Variants in GAB1 observed in about 807,000 individuals in gnomAD.
The protein encoded by GAB1 is GRB2-associated-binding protein 1.
Under a neutral mutation model 66.5 loss-of-function variants are expected in GAB1, and 19 were observed. The observed-to-expected ratio is 0.29, with a 90% confidence interval of 0.20 to 0.42. GAB1 has a LOEUF of 0.42. Ranked by LOEUF, GAB1 falls within the 10% of genes least tolerant of loss-of-function variation. The probability of loss-of-function intolerance (pLI) is 1.00; values close to 1 mark genes in which losing one functional copy is unlikely to be tolerated. For missense variants in GAB1, 732 were observed against 858.5 expected, an observed-to-expected ratio of 0.85 and a Z score of 1.84; for synonymous variants, 294 against 301.4, an observed-to-expected ratio of 0.98 and a Z score of 0.25.
intron 1 of GAB1, among the ~76,000 whole-genome samples, chr4:143,345,288 T>G (rs995050752): frequency 2.6e-5 from 4 of 152,194 alleles, no homozygotes; most frequent in African/African-American, 9.6e-5. Context: ...TGATGGTGGT[T>G]TTCTTTTCTC....
At chr4:143,435,056 A>G (rs1578710616) in intron 3 of GAB1, among the ~76,000 whole-genome samples, 1 of 152,222 alleles carries the variant, frequency 6.6e-6, no homozygotes, top group East Asian at 1.9e-4. Flanking sequence ...TTTTTTAAAC[A>G]AGATTATAAT....
In GAB1 at chr4:143,440,179, G is replaced by A. The variant is rs1318642209; in HGVS notation, c.1382G>A (p.Ser461Asn). Residue 461 changes from serine (S) to asparagine (N), a missense_variant, in exon 6 of 10, where the codon AGC becomes AAC. This residue lies in a region of GAB1 where 427 missense variants were observed against 420.6 expected (regional missense o/e 1.02). Coordinates refer to ENST00000262994, the MANE Select transcript of GAB1 (RefSeq NM_002039.4). The part of the protein sequence containing the change: ...NPNSPPRQHS[S>N]SFTEPIQEAN... ...AATTCACCACCACGACAACATTCCA[G>A]CAGTTTTACAGAACCAATTCAGGAA... 6.2e-7 allele frequency: 1 copy of A among 1,614,138 alleles called. No homozygotes were observed. Among genetic ancestry groups the A allele is most frequent in the South Asian group, 1.1e-5 (1 of 91,082 alleles).
At chr4:143,435,180 G>A (rs910901633) in intron 3 of GAB1, among the ~76,000 whole-genome samples, 3 of 152,172 alleles carry the variant, frequency 2.0e-5, no homozygotes, top group South Asian at 2.1e-4. Context: ...TAAGATTCAC[G>A]AAATAGTTTC....
rs1465863079 is a variant in GAB1 at position 143,438,596 on chromosome 4, A to G, written c.1191A>G (p.Arg397=). ...TISTVDLNKL[R]KDASSQDCYD... ...CCACTGTGGATTTAAACAAATTGCG[A>G]AAAGGTCAGCTCTAGTTGACTTCTT... Residue 397 remains arginine (R), a synonymous_variant, in exon 4 of 10, where the codon CGA becomes CGG. Transcript: ENST00000262994. 6.2e-7 allele frequency: 1 copy of G among 1,612,446 alleles called. No individual in the cohort carries two copies. The highest frequency in any genetic ancestry group is 8.5e-7 in the Non-Finnish European group (1 of 1,179,014).
chr4:143,366,823 A>C (rs1729901022), intron 1 of GAB1, among the ~76,000 whole-genome samples: 1 of 151,962 alleles, frequency 6.6e-6, no homozygotes, highest in Non-Finnish European at 1.5e-5. Context: ...TTTTCAATTC[A>C]ATTTTTGAAT....
intron 6 of GAB1, 41 bp from the exon 7 acceptor site, chr4:143,459,344 T>C (rs1409494411): frequency 7.7e-6 from 9 of 1,172,394 alleles, no homozygotes; most frequent in African/African-American, 4.6e-5. Context: ...TTTTCCAAAG[T>C]TCTGTATACT....
chr4:143,355,948 AT>A (rs1315727449), intron 1 of GAB1, among the ~76,000 whole-genome samples: 7 of 151,776 alleles, frequency 4.6e-5, no homozygotes, highest in African/African-American at 9.7e-5. Flanking sequence ...AGGTGTTGAG[AT>A]TTTTTTTGGG....
intron 1 of GAB1, among the ~76,000 whole-genome samples, chr4:143,371,203 A>G (rs1195457591): frequency 6.6e-6 from 1 of 151,954 alleles, no homozygotes; most frequent in East Asian, 1.9e-4. Flanking sequence ...CATCCTCTCC[A>G]GCACCTGTTG....
chr4:143,340,583 T>C (rs1430301174), intron 1 of GAB1, among the ~76,000 whole-genome samples: 3 of 152,218 alleles, frequency 2.0e-5, no homozygotes, highest in African/African-American at 7.2e-5. Flanking sequence ...CTATCTCGGC[T>C]CACTGCAACC....
chr4:143,423,792 G>GTATATATATATA lies in GAB1; in HGVS notation c.367+8055_367+8066dup, dbSNP rs35559967. Among the ~76,000 whole-genome samples the GTATATATATATA allele has an allele frequency of 2.7e-3, 182 of 67,698 alleles. 2 individuals carry two copies. The highest frequency in any genetic ancestry group is 3.7e-3 in the Non-Finnish European group (129 of 34,798). 44.4% of individuals were successfully genotyped at this position (67,698 alleles called of 152,430 possible). ...CTCCATCTCAAAAAAAAAAAAAAGT[G>GTATATATATATA]TATATATATATATATATATATATAT... On this transcript the variant is annotated intron_variant, in intron 2 of 9. Transcript: ENST00000262994.
chr4:143,468,997 A>G (rs764405092), intron 9 of GAB1, 34 bp from the exon 10 acceptor site: 1 of 1,610,070 alleles, frequency 6.2e-7, no homozygotes, highest in Non-Finnish European at 8.5e-7. Flanking sequence ...ACTCCTTTAT[A>G]TGTTGGACTT....
chr4:143,369,660 A>G (rs1385304994), intron 1 of GAB1, among the ~76,000 whole-genome samples: 2 of 152,186 alleles, frequency 1.3e-5, no homozygotes, highest in African/African-American at 4.8e-5. Flanking sequence ...CAGATTTGAT[A>G]TTGTTGCATG....
In GAB1 at chr4:143,474,260, T is replaced by C. The variant is rs1187089137; in HGVS notation, c.*5071T>C. 1 of 152,232 alleles carries C rather than the reference T, an allele frequency of 6.6e-6. No individual in the cohort carries two copies. The highest frequency in any genetic ancestry group is 2.4e-5 in the African/African-American group (1 of 41,472). The allele number at this position is 152,232 out of a possible 1,614,324, so 9.4% of individuals were successfully genotyped here. A position where few individuals can be genotyped will look rare whatever the true frequency, so the allele number is the denominator to read the frequency against. Reference sequence around the variant, plus strand: ...GAAAAGATTTTATTACTATTACTTATGGTTATTGGTGATTAACACTTAATG... The same window carrying C: ...GAAAAGATTTTATTACTATTACTTACGGTTATTGGTGATTAACACTTAATG... On this transcript the variant is annotated 3_prime_UTR_variant, in exon 10 of 10. Coordinates refer to ENST00000262994, the MANE Select transcript of GAB1 (RefSeq NM_002039.4).
chr4:143,456,284 C>T (rs1388720848), intron 6 of GAB1, among the ~76,000 whole-genome samples: 53 of 152,148 alleles, frequency 3.5e-4, no homozygotes, highest in Non-Finnish European at 8.8e-5. Flanking sequence ...GGTGAAACCC[C>T]ACCTCTACTA....
At chr4:143,398,989 T>G (rs1275281655) in intron 1 of GAB1, among the ~76,000 whole-genome samples, 5 of 152,202 alleles carry the variant, frequency 3.3e-5, no homozygotes, top group Admixed American at 3.3e-4. Flanking sequence ...GATCCCCATC[T>G]AGATGAGTGT....
intron 6 of GAB1, among the ~76,000 whole-genome samples, chr4:143,447,630 T>C (rs1734636869): frequency 6.6e-6 from 1 of 152,210 alleles, no homozygotes; most frequent in African/African-American, 2.4e-5. Context: ...TTTTTGTAGA[T>C]TGATTTTGTG....
chr4:143,387,936 T>C (rs551422101), intron 1 of GAB1, among the ~76,000 whole-genome samples: 31 of 152,280 alleles, frequency 2.0e-4, no homozygotes, highest in African/African-American at 5.8e-4. Context: ...ACCACGTATT[T>C]GCTGTTGTCT....
At chr4:143,446,242 T>C (rs1239560900) in intron 6 of GAB1, among the ~76,000 whole-genome samples, 23 of 152,090 alleles carry the variant, frequency 1.5e-4, no homozygotes, top group East Asian at 3.9e-4. Context: ...TGAATAGTGC[T>C]GCAATAAACA....
chr4:143,425,421 C>T, intron 2 of GAB1: 2 of 759,296 alleles, frequency 2.6e-6, no homozygotes, highest in Non-Finnish European at 2.4e-6. Context: ...GTTACTGACC[C>T]CAGGGCTGAA....
Sources: gnomAD v4.1 joint callset for allele counts (sites outside exome capture counted in the v4.1 genomes callset) on GRCh38, gnomAD v4.1.1 for gene constraint, gnomAD v4.1.1 regional missense constraint, MANE v1.5 for transcripts, NCBI Gene and HGNC (gene_info 2026-07-23, HGNC 2026-07-21) for gene names.